Variants in LRIG1 observed in about 807,000 individuals in gnomAD.
The protein encoded by LRIG1 is leucine rich repeats and immunoglobulin like domains 1, also known as leucine-rich repeats and immunoglobulin-like domains protein 1.
In LRIG1, 48 loss-of-function variants were observed where a neutral mutation model predicts 99.2. That is an observed-to-expected ratio of 0.48 (90% CI 0.38 to 0.62). The LOEUF (loss-of-function observed/expected upper bound fraction) is 0.62, where lower values mean the gene tolerates loss of function less well. LRIG1 is among the 20% of genes least tolerant of loss of function. The probability of loss-of-function intolerance (pLI) is 0.00; values close to 1 mark genes in which losing one functional copy is unlikely to be tolerated. For missense variants in LRIG1, 1,646 were observed against 1,434.4 expected (o/e 1.15, Z -2.38); for synonymous variants, 772 against 596.1 (o/e 1.29, Z -4.30).
rs1384143117 is a variant in LRIG1, at chr3:66,412,792, T to TGC, written c.791+77_791+78dup. ...ACGTTGGTGTTGGTGCGCACATGCA[T>TGC]GCGCACACACACACACGCCACATCA... is the stretch of plus-strand genomic sequence containing the variant. On this transcript the variant is annotated intron_variant, in intron 6 of 18. Coordinates refer to ENST00000273261, the MANE Select transcript of LRIG1 (RefSeq NM_015541.3). 4.6e-6 allele frequency: 7 copies of TGC among 1,529,994 alleles called. No homozygotes were observed. In the Admixed American group the frequency reaches 5.3e-5, roughly 12 times the overall value. 94.8% of individuals were successfully genotyped at this position (1,529,994 alleles called of 1,614,324 possible).
chr3:66,435,046 CCTT>C (rs779797984), intron 3 of LRIG1, among the ~76,000 whole-genome samples: 4 of 147,200 alleles, frequency 2.7e-5, no homozygotes, highest in Non-Finnish European at 4.6e-5. Context: ...TTCTAGATGT[CCTT>C]CATCGGGTGA....
chr3:66,451,269 C>T (rs748338465), intron 3 of LRIG1, among the ~76,000 whole-genome samples: 4 of 151,712 alleles, frequency 2.6e-5, no homozygotes, highest in Non-Finnish European at 4.4e-5. Context: ...CTTAACCAAC[C>T]ACAGAAGCAA....
intron 16 of LRIG1, among the ~76,000 whole-genome samples, chr3:66,381,983 C>T (rs1327596341): frequency 6.6e-6 from 1 of 152,162 alleles, no homozygotes; most frequent in Admixed American, 6.5e-5. Context: ...TGGCTGGGTT[C>T]ATGCACCGTA....
chr3:66,477,731 A>T (rs148465865), intron 1 of LRIG1, among the ~76,000 whole-genome samples: 7 of 152,252 alleles, frequency 4.6e-5, no homozygotes, highest in African/African-American at 1.7e-4. Context: ...TAAAGATGTT[A>T]TCATCAGAGC....
intron 1 of LRIG1, among the ~76,000 whole-genome samples, chr3:66,495,482 G>A (rs1413995725): frequency 6.6e-6 from 1 of 152,214 alleles, no homozygotes; most frequent in Non-Finnish European, 1.5e-5. Context: ...TTGAAAGTTA[G>A]GCTTGCTCGT....
rs1350857046 is a variant in LRIG1 at position 66,500,565 on chromosome 3, C to T, written c.-158G>A. The T allele has an allele frequency of 1.5e-5, 6 of 396,562 alleles. No homozygotes were observed. In the East Asian group the frequency reaches 2.4e-4, roughly 16 times the overall value. 24.6% of individuals were successfully genotyped at this position (396,562 alleles called of 1,614,324 possible). A position where few individuals can be genotyped will look rare whatever the true frequency, so the allele number is the denominator to read the frequency against. On this transcript the variant is annotated 5_prime_UTR_variant, in exon 1 of 19. It adds an upstream start codon to the 5' untranslated region. Transcript: ENST00000273261. ...TCTCTCTGCGGCCGCGGCTCCGGCA[C>T]TCAGCGTGCCCCCGGTGCCCGGGCC...
At chr3:66,465,530 A>AT (rs1350359831) in intron 1 of LRIG1, among the ~76,000 whole-genome samples, 1 of 151,048 alleles carries the variant, frequency 6.6e-6, no homozygotes, top group East Asian at 2.0e-4. Context: ...TGCCCGGCTA[A>AT]TTTTTTTGTA....
chr3:66,418,834 C>T (rs114338566), intron 3 of LRIG1, among the ~76,000 whole-genome samples: 1 of 152,060 alleles, frequency 6.6e-6, no homozygotes, highest in African/African-American at 2.4e-5. Context: ...GTCTCCCAGG[C>T]CCTGAACTCG....
chr3:66,493,639 T>C (rs1443953707), intron 1 of LRIG1, among the ~76,000 whole-genome samples: 2 of 152,100 alleles, frequency 1.3e-5, no homozygotes, highest in Non-Finnish European at 2.9e-5. Context: ...ACCAGCAATC[T>C]GGCTTGGAAG....
chr3:66,417,098 C>T, intron 4 of LRIG1, 31 bp downstream of exon 4: 7 of 1,608,822 alleles, frequency 4.4e-6, no homozygotes, highest in Non-Finnish European at 6.0e-6. Flanking sequence ...CACAGCGGGC[C>T]AGCCACAGGT....
chr3:66,381,616 T>G lies in LRIG1; in HGVS notation c.2633A>C (p.Asp878Ala). The G allele has an allele frequency of 6.2e-7, 1 of 1,613,760 alleles. No individual in the cohort carries two copies. The highest frequency in any genetic ancestry group is 8.5e-7 in the Non-Finnish European group (1 of 1,179,672). ...GTCGGGCTCTGGAAAGTGGCTTGCA[T>G]CTCTTGGACACACACCTGCAAGTGG... ...HIESNGVCPRDASHFPEPDTH... is the reference protein window; with the variant it reads ...HIESNGVCPRAASHFPEPDTH... The change falls in exon 17 of 19, where the codon GAT becomes GCT. Residue 878 changes from aspartate to alanine, a missense_variant. Transcript: ENST00000273261.
At chr3:66,453,565 A>C (rs1357844116) in intron 2 of LRIG1, among the ~76,000 whole-genome samples, 1 of 152,130 alleles carries the variant, frequency 6.6e-6, no homozygotes, top group Non-Finnish European at 1.5e-5. Flanking sequence ...GTGCACTTTC[A>C]CCATCACAAC....
chr3:66,424,981 G>A (rs181243821), intron 3 of LRIG1, among the ~76,000 whole-genome samples: 19 of 152,312 alleles, frequency 1.2e-4, no homozygotes, highest in Admixed American at 6.5e-4. Flanking sequence ...GAGGTTAGAG[G>A]TATTAAATGC....
intron 3 of LRIG1, among the ~76,000 whole-genome samples, chr3:66,422,312 T>A (rs956989023): frequency 4.6e-5 from 7 of 152,224 alleles, no homozygotes; most frequent in Non-Finnish European, 7.3e-5. Flanking sequence ...TTCCAAACTT[T>A]TATGTTCTGT....
At chr3:66,429,045 C>T (rs760147876) in intron 3 of LRIG1, among the ~76,000 whole-genome samples, 1 of 152,248 alleles carries the variant, frequency 6.6e-6, no homozygotes, top group Non-Finnish European at 1.5e-5. Context: ...GGGTCAACCT[C>T]TCCAAAGGCA....
intron 1 of LRIG1, among the ~76,000 whole-genome samples, chr3:66,476,755 A>G (rs573327170): frequency 1.9e-4 from 29 of 152,356 alleles, no homozygotes; most frequent in South Asian, 1.0e-3. Context: ...CCAGCTTTCT[A>G]TAATTCACTA....
At chr3:66,431,974 T>C (rs1703186963) in intron 3 of LRIG1, among the ~76,000 whole-genome samples, 1 of 152,174 alleles carries the variant, frequency 6.6e-6, no homozygotes, top group African/African-American at 2.4e-5. Flanking sequence ...GATAATGGAA[T>C]CCCCACCCCA....
rs1235855849 is a variant in LRIG1 at position 66,399,005 on chromosome 3, C to G, written c.1197G>C (p.Lys399Asn). 6.2e-7 allele frequency: 1 copy of G among 1,614,208 alleles called. No homozygotes were observed. Among genetic ancestry groups the G allele is most frequent in the South Asian group, 1.1e-5 (1 of 91,080 alleles). The part of the protein sequence containing the change: ...LFGNKIKSVA[K>N]RAFSGLEGLE... ...GGCCTTCCAGCCCCGAGAATGCTCT[C>G]TTAGCCACAGACTTGATCTTGTTTC... is the stretch of plus-strand genomic sequence containing the variant. Residue 399 changes from lysine to asparagine, a missense_variant, in exon 10 of 19, where the codon AAG (lysine) becomes AAC (asparagine). Physicochemically the swap from Lys to Asn is moderately conservative, Grantham distance 94. Transcript: ENST00000273261.
chr3:66,436,236 AAGTGGC>A (rs1390331658), intron 3 of LRIG1, among the ~76,000 whole-genome samples: 11 of 152,122 alleles, frequency 7.2e-5, no homozygotes, highest in Admixed American at 7.2e-4. Flanking sequence ...CATGCCCAGA[AAGTGGC>A]AGACGCAGGT....
Sources: allele counts gnomAD v4.1 joint callset (sites outside exome capture counted in the v4.1 genomes callset), GRCh38; gene constraint gnomAD v4.1.1; transcripts MANE v1.5; gene names NCBI Gene and HGNC (gene_info 2026-07-23, HGNC 2026-07-21).